The following LINGO2 variants were observed in gnomAD, a reference collection of about 807,000 sequenced individuals.
LINGO2 encodes leucine-rich repeat and immunoglobulin-like domain-containing nogo receptor-interacting protein 2.
In LINGO2, 14 loss-of-function variants were observed where a neutral mutation model predicts 30.6. That is an observed-to-expected ratio of 0.46 (90% CI 0.30 to 0.72). LINGO2 has a LOEUF of 0.72. LINGO2 is among the 30% of genes least tolerant of loss of function. The pLI, the probability that LINGO2 is intolerant of heterozygous loss-of-function variation, is 0.07. For missense variants in LINGO2, 729 were observed against 751.7 expected (o/e 0.97, Z 0.35); for synonymous variants, 317 against 288.5 (o/e 1.10, Z -1.00).
At chr9:29,184,806 C>G in the LINGO2 span, among the ~76,000 whole-genome samples, 2 of 151,430 alleles carry the variant, frequency 1.3e-5, no homozygotes, top group Non-Finnish European at 2.9e-5. Context: ...AAAAAATTAC[C>G]TTACACTTAA....
the LINGO2 span, among the ~76,000 whole-genome samples, chr9:28,767,158 A>C: frequency 1.3e-5 from 2 of 152,212 alleles, no homozygotes; most frequent in Admixed American, 6.5e-5. Flanking sequence ...ATAAGTCTTG[A>C]GAGTTGATGT....
the LINGO2 span, among the ~76,000 whole-genome samples, chr9:29,022,026 T>C: frequency 6.6e-6 from 1 of 152,132 alleles, no homozygotes; most frequent in Non-Finnish European, 1.5e-5. Context: ...TTTACCCTTA[T>C]ATCTGTTTTA....
chr9:28,319,537 A>G (rs567387390), intron 3 of LINGO2, among the ~76,000 whole-genome samples: 2 of 152,276 alleles, frequency 1.3e-5, no homozygotes, highest in Admixed American at 6.5e-5. Context: ...TCTTCCTACC[A>G]CAACCCCTCA....
chr9:29,137,486 T>C, the LINGO2 span, among the ~76,000 whole-genome samples: 1 of 152,112 alleles, frequency 6.6e-6, no homozygotes, highest in Non-Finnish European at 1.5e-5. Flanking sequence ...GTAAGTAAAA[T>C]CACATTACTA....
chr9:28,076,443 A>G (rs959769867), intron 4 of LINGO2, among the ~76,000 whole-genome samples: 5 of 151,744 alleles, frequency 3.3e-5, no homozygotes, highest in African/African-American at 9.7e-5. Flanking sequence ...CCTAGCTTAC[A>G]TTGCATAGCT....
At chr9:27,949,984 G>A in exon 6 of LINGO2, 1 of 1,614,038 alleles carries the variant, frequency 6.2e-7, no homozygotes, top group Non-Finnish European at 8.5e-7. Context: ...TCAATCTCTA[G>A]GTGTTTCAGG....
intron 4 of LINGO2, among the ~76,000 whole-genome samples, chr9:28,037,770 G>C (rs1824007425): frequency 6.6e-6 from 1 of 152,176 alleles, no homozygotes; most frequent in Non-Finnish European, 1.5e-5. Flanking sequence ...TCACAAATGT[G>C]GTTGCCTTTA....
chr9:28,480,202 T>A (rs1170911759), intron 1 of LINGO2, among the ~76,000 whole-genome samples: 6 of 151,734 alleles, frequency 4.0e-5, no homozygotes, highest in African/African-American at 1.5e-4. Flanking sequence ...TGGGTTAGTA[T>A]GGCTCTTTTC....
At chr9:28,059,809 G>A (rs1825085566) in intron 4 of LINGO2, among the ~76,000 whole-genome samples, 3 of 151,990 alleles carry the variant, frequency 2.0e-5, no homozygotes. Flanking sequence ...ATTACTTGAA[G>A]GAAAGGATAC....
the LINGO2 span, among the ~76,000 whole-genome samples, chr9:29,155,570 T>C: frequency 6.8e-6 from 1 of 148,092 alleles, no homozygotes; most frequent in Non-Finnish European, 1.5e-5. Flanking sequence ...TTTTTTTTTT[T>C]ACAATAATCT....
At chr9:28,705,636 T>C in the LINGO2 span, among the ~76,000 whole-genome samples, 1 of 152,142 alleles carries the variant, frequency 6.6e-6, no homozygotes, top group Non-Finnish European at 1.5e-5. Context: ...GATCTTTCCC[T>C]GATCTTCACT....
At chr9:29,192,525 A>G in the LINGO2 span, among the ~76,000 whole-genome samples, 1 of 151,898 alleles carries the variant, frequency 6.6e-6, no homozygotes. Flanking sequence ...TCTCTTATAC[A>G]TAAAGAAAAT....
rs1428683005 is a variant in LINGO2, at chr9:28,261,126, TA to T, written c.-87+34081del. Among the ~76,000 whole-genome samples the T allele has an allele frequency of 3.9e-5, 6 of 151,990 alleles. No homozygotes were observed. In the East Asian group the frequency reaches 1.2e-3, roughly 29 times the overall value. On this transcript the variant is annotated intron_variant, in intron 4 of 5. Coordinates refer to ENST00000379992, the Ensembl canonical transcript of LINGO2. ...AACTATATGAGATTAAATTATTATG[TA>T]AAAAATAATTTTATACAATTCAATC...
chr9:28,702,091 C>T, the LINGO2 span, among the ~76,000 whole-genome samples: 1 of 151,786 alleles, frequency 6.6e-6, no homozygotes, highest in Non-Finnish European at 1.5e-5. Flanking sequence ...CTTCTTACTT[C>T]CCAATTTGTA....
intron 4 of LINGO2, among the ~76,000 whole-genome samples, chr9:28,262,874 G>C (rs191900672): frequency 6.6e-6 from 1 of 152,060 alleles, no homozygotes; most frequent in African/African-American, 2.4e-5. Flanking sequence ...GAGCAACTAA[G>C]CCTTGATAAA....
the LINGO2 span, among the ~76,000 whole-genome samples, chr9:28,814,864 G>A: frequency 6.6e-6 from 1 of 152,148 alleles, no homozygotes; most frequent in Admixed American, 6.5e-5. Context: ...AGAAACTCAA[G>A]AGTGACAAAA....
intron 1 of LINGO2, among the ~76,000 whole-genome samples, chr9:28,647,895 T>TC (rs1179455376): frequency 2.0e-5 from 2 of 101,416 alleles, no homozygotes; most frequent in African/African-American, 5.8e-5. Flanking sequence ...CTTTCTTTCT[T>TC]TTTTTTTTTT....
the LINGO2 span, among the ~76,000 whole-genome samples, chr9:29,129,223 C>A: frequency 0.011 from 1,703 of 152,062 alleles, 28 homozygotes; most frequent in African/African-American, 0.039. Flanking sequence ...TTTAGGTGAG[C>A]ATGTGATGGT....
chr9:28,663,927 C>T (rs545781860), intron 1 of LINGO2, among the ~76,000 whole-genome samples: 109 of 150,222 alleles, frequency 7.3e-4, no homozygotes, highest in African/African-American at 2.3e-3. Context: ...AATTATTATA[C>T]CTAAAAAGGC....
Sources: allele counts gnomAD v4.1 joint callset (sites outside exome capture counted in the v4.1 genomes callset), GRCh38; gene constraint gnomAD v4.1.1; transcripts MANE v1.5; gene names NCBI Gene and HGNC (gene_info 2026-07-23, HGNC 2026-07-21).